BRINP3: variants seen among roughly 807,000 people sequenced by gnomAD.
The protein encoded by BRINP3 is BMP/retinoic acid-inducible neural-specific protein 3.
BRINP3 carries 19 observed loss-of-function variants against 71.0 expected under a neutral mutation model. The observed-to-expected ratio is 0.27, with a 90% CI of 0.19 to 0.39. BRINP3 has a LOEUF of 0.39. BRINP3 is among the 10% of genes least tolerant of loss of function. The pLI is 1.00. For synonymous variants in BRINP3, 380 were observed against 337.7 expected (o/e 1.13, Z -1.37); for missense variants, 959 against 940.8 (o/e 1.02, Z -0.25).
At chr1:190,235,162 C>T (rs1423565482) in intron 4 of BRINP3, among the ~76,000 whole-genome samples, 2 of 151,994 alleles carry the variant, frequency 1.3e-5, no homozygotes, top group Non-Finnish European at 1.5e-5. Context: ...CAAAGTATTC[C>T]TTGATGATTT....
At chr1:190,351,621 C>T (rs1215927468) in intron 2 of BRINP3, among the ~76,000 whole-genome samples, 2 of 152,012 alleles carry the variant, frequency 1.3e-5, no homozygotes, top group Non-Finnish European at 2.9e-5. Flanking sequence ...AATGGTCATT[C>T]CAGGCTTTTC....
At chr1:190,459,278 A>G (rs1433479030) in intron 1 of BRINP3, among the ~76,000 whole-genome samples, 1 of 151,768 alleles carries the variant, frequency 6.6e-6, no homozygotes, top group Non-Finnish European at 1.5e-5. Context: ...TGCATATAAT[A>G]CATAATAAAT....
intron 2 of BRINP3, among the ~76,000 whole-genome samples, chr1:190,309,640 C>T (rs1466904464): frequency 1.3e-5 from 2 of 151,760 alleles, no homozygotes; most frequent in Middle Eastern, 3.4e-3. Context: ...ATATTGAACC[C>T]TAAGAAAATT....
chr1:190,220,518 T>C (rs2102682754), intron 6 of BRINP3, among the ~76,000 whole-genome samples: 1 of 152,164 alleles, frequency 6.6e-6, no homozygotes, highest in Non-Finnish European at 1.5e-5. Flanking sequence ...TCTGCACATG[T>C]AACGCAGAAC....
chr1:190,281,450 T>C (rs1663029986), intron 3 of BRINP3, 110 bp downstream of exon 3: 7 of 1,026,300 alleles, frequency 6.8e-6, no homozygotes, highest in Non-Finnish European at 1.0e-5. Flanking sequence ...AATGAATGAG[T>C]TCTATAACTA....
chr1:190,457,956 G>A (rs545502047), intron 1 of BRINP3, among the ~76,000 whole-genome samples: 151 of 150,258 alleles, frequency 1.0e-3, no homozygotes, highest in Middle Eastern at 7.1e-3. Flanking sequence ...TATTTAAGGC[G>A]TATAGCATGA....
At chr1:190,418,775 G>A (rs1289438092) in intron 2 of BRINP3, among the ~76,000 whole-genome samples, 1 of 152,008 alleles carries the variant, frequency 6.6e-6, no homozygotes, top group Non-Finnish European at 1.5e-5. Flanking sequence ...AAGGTATGAA[G>A]GGAATATTGT....
intron 3 of BRINP3, among the ~76,000 whole-genome samples, chr1:190,270,257 A>G (rs1032549793): frequency 2.0e-5 from 3 of 151,768 alleles, no homozygotes; most frequent in Non-Finnish European, 3.0e-5. Flanking sequence ...ATATTTAAAG[A>G]AACACTTTTG....
In BRINP3 at chr1:190,131,354, A is replaced by G. The variant is rs1285356709; in HGVS notation, c.1184+29314T>C. Among the ~76,000 whole-genome samples the G allele has an allele frequency of 3.3e-5, 5 of 151,976 alleles. No individual in the cohort carries two copies. In the East Asian group the frequency reaches 9.7e-4, roughly 29 times the overall value. ...GATTAACCAGTAATGTATAATTTTC[A>G]AGAACCCAACATAGTAATAATAACG... On this transcript the variant is annotated intron_variant, in intron 7 of 7. Coordinates refer to ENST00000367462, the MANE Select transcript of BRINP3 (RefSeq NM_199051.3).
chr1:190,152,512 C>T (rs909097452), intron 7 of BRINP3, among the ~76,000 whole-genome samples: 5 of 136,654 alleles, frequency 3.7e-5, no homozygotes, highest in South Asian at 2.3e-4. Context: ...ATATATATAT[C>T]GCCACAGAAT....
chr1:190,376,656 T>C (rs376761811), intron 2 of BRINP3, among the ~76,000 whole-genome samples: 5 of 152,202 alleles, frequency 3.3e-5, no homozygotes, highest in African/African-American at 1.2e-4. Context: ...TATCATATTA[T>C]AATTTCTTAA....
chr1:190,370,333 C>T (rs1468410156), intron 2 of BRINP3, among the ~76,000 whole-genome samples: 5 of 151,904 alleles, frequency 3.3e-5, no homozygotes, highest in African/African-American at 7.2e-5. Flanking sequence ...ACCAATTTAA[C>T]AAGTCTATAG....
At chr1:190,310,546 A>T (rs1017085543) in intron 2 of BRINP3, among the ~76,000 whole-genome samples, 1 of 151,712 alleles carries the variant, frequency 6.6e-6, no homozygotes, top group Admixed American at 6.6e-5. Context: ...AGCATACTGC[A>T]TGCCATTTTT....
intron 2 of BRINP3, among the ~76,000 whole-genome samples, chr1:190,339,884 A>G (rs571525306): frequency 1.6e-4 from 24 of 152,018 alleles, no homozygotes; most frequent in Admixed American, 9.9e-4. Context: ...GTAATTTAAG[A>G]TTGCAAAAGA....
intron 6 of BRINP3, among the ~76,000 whole-genome samples, chr1:190,207,575 T>G (rs1198616065): frequency 6.6e-6 from 1 of 152,102 alleles, no homozygotes; most frequent in Non-Finnish European, 1.5e-5. Flanking sequence ...TTTAGCCTCA[T>G]GTCAGTTGCT....
At chr1:190,167,916 G>T (rs909179811) in intron 6 of BRINP3, among the ~76,000 whole-genome samples, 1 of 152,140 alleles carries the variant, frequency 6.6e-6, no homozygotes, top group Non-Finnish European at 1.5e-5. Context: ...TAAAAGGAAT[G>T]CTAGTATCTC....
At chr1:190,107,767 T>C (rs1304828978) in intron 7 of BRINP3, among the ~76,000 whole-genome samples, 2 of 151,950 alleles carry the variant, frequency 1.3e-5, no homozygotes, top group Non-Finnish European at 2.9e-5. Context: ...AATTGCTAGA[T>C]CAAAATTGAC....
intron 2 of BRINP3, among the ~76,000 whole-genome samples, chr1:190,304,274 A>T (rs547448628): frequency 1.3e-5 from 2 of 151,878 alleles, no homozygotes; most frequent in South Asian, 2.1e-4. Flanking sequence ...CAATAAACAT[A>T]TAAACATATC....
chr1:190,135,839 A>G (rs1251142575), intron 7 of BRINP3, among the ~76,000 whole-genome samples: 2 of 152,094 alleles, frequency 1.3e-5, no homozygotes, highest in Non-Finnish European at 2.9e-5. Context: ...AGCACAGCAT[A>G]TATCATTTTT....
Sources: allele counts gnomAD v4.1 joint callset (sites outside exome capture counted in the v4.1 genomes callset), GRCh38; gene constraint gnomAD v4.1.1; transcripts MANE v1.5; gene names NCBI Gene and HGNC (gene_info 2026-07-23, HGNC 2026-07-21).